Variants in GRIK4 observed in about 807,000 individuals in gnomAD.
GRIK4 encodes glutamate receptor ionotropic, kainate 4.
Under a neutral mutation model 104.9 loss-of-function variants are expected in GRIK4, and 40 were observed. That is an observed-to-expected ratio of 0.38 (90% CI 0.30 to 0.50). The LOEUF (loss-of-function observed/expected upper bound fraction) is 0.50. Among genes scored for constraint, GRIK4 ranks in the 20% least tolerant of loss-of-function variants. The pLI, the probability that GRIK4 is intolerant of heterozygous loss-of-function variation, is 0.93. For missense variants in GRIK4, 1,047 were observed against 1,308.1 expected, an observed-to-expected ratio of 0.80 and a Z score of 3.08; for synonymous variants, 485 against 524.9, an observed-to-expected ratio of 0.92 and a Z score of 1.04.
At chr11:120,587,987 T>C (rs2135107023) in intron 1 of GRIK4, among the ~76,000 whole-genome samples, 1 of 152,332 alleles carries the variant, frequency 6.6e-6, no homozygotes, top group Admixed American at 6.5e-5. Flanking sequence ...TGAAAACCGC[T>C]GTCAGTCACT....
chr11:120,875,448 A>C (rs1430793944), intron 11 of GRIK4, among the ~76,000 whole-genome samples: 1 of 152,110 alleles, frequency 6.6e-6, no homozygotes, highest in African/African-American at 2.4e-5. Flanking sequence ...CCCCAGCAAA[A>C]TACTAAGAAG....
chr11:120,725,990 A>G (rs1479176916), intron 3 of GRIK4, among the ~76,000 whole-genome samples: 1 of 152,252 alleles, frequency 6.6e-6, no homozygotes, highest in African/African-American at 2.4e-5. Context: ...AAGGCAAAAT[A>G]GGTAGCACTT....
chr11:120,571,079 G>C (rs1246488007), intron 1 of GRIK4, among the ~76,000 whole-genome samples: 2 of 152,164 alleles, frequency 1.3e-5, no homozygotes, highest in Non-Finnish European at 2.9e-5. Flanking sequence ...GGACACTTCT[G>C]TTCTTATGTC....
At chr11:120,872,934 T>G (rs1403736406) in intron 9 of GRIK4, 1 of 152,314 alleles carries the variant, frequency 6.6e-6, no homozygotes, top group African/African-American at 2.4e-5. Flanking sequence ...TTGTATCCAC[T>G]TATTGGGTAG....
intron 1 of GRIK4, among the ~76,000 whole-genome samples, chr11:120,636,649 G>C (rs571974384): frequency 1.3e-5 from 2 of 152,232 alleles, no homozygotes; most frequent in South Asian, 4.1e-4. Flanking sequence ...AGACCATCCT[G>C]GCCAACATGG....
intron 3 of GRIK4, among the ~76,000 whole-genome samples, chr11:120,716,719 G>A (rs1390987178): frequency 6.6e-6 from 1 of 152,154 alleles, no homozygotes; most frequent in Non-Finnish European, 1.5e-5. Flanking sequence ...CCCCTGACCT[G>A]ACATTCCCTC....
At chr11:120,614,724 G>A (rs1591740374) in intron 1 of GRIK4, among the ~76,000 whole-genome samples, 2 of 152,314 alleles carry the variant, frequency 1.3e-5, no homozygotes, top group East Asian at 3.9e-4. Flanking sequence ...AGTTGGCTGG[G>A]CGCGGTGGCT....
chr11:120,938,103 C>T (rs762204889), intron 13 of GRIK4, among the ~76,000 whole-genome samples: 8 of 152,108 alleles, frequency 5.3e-5, no homozygotes, highest in South Asian at 2.1e-4. Context: ...GTTTCCTCCC[C>T]TCAAGTTTCA....
At chr11:120,829,935 C>T (rs1953376833) in intron 6 of GRIK4, among the ~76,000 whole-genome samples, 1 of 152,142 alleles carries the variant, frequency 6.6e-6, no homozygotes, top group South Asian at 2.1e-4. Context: ...CTTTACAAGT[C>T]TCCATCGAAA....
chr11:120,752,367 G>T (rs1434089870), intron 3 of GRIK4, among the ~76,000 whole-genome samples: 2 of 152,100 alleles, frequency 1.3e-5, no homozygotes, highest in East Asian at 3.9e-4. Flanking sequence ...CGTCAGCAGA[G>T]CCCCCCCATG....
intron 1 of GRIK4, among the ~76,000 whole-genome samples, chr11:120,539,823 G>C (rs1948014699): frequency 6.6e-6 from 1 of 152,160 alleles, no homozygotes; most frequent in Non-Finnish European, 1.5e-5. Flanking sequence ...GGGCTAAATA[G>C]GCAGCCAGAT....
intron 3 of GRIK4, among the ~76,000 whole-genome samples, chr11:120,693,116 A>T (rs1308929753): frequency 2.6e-5 from 4 of 151,276 alleles, no homozygotes; most frequent in African/African-American, 7.3e-5. Context: ...TATTATTATT[A>T]TTTTTTGAGA....
At chr11:120,909,615 C>A (rs1226466760) in intron 13 of GRIK4, among the ~76,000 whole-genome samples, 1 of 152,114 alleles carries the variant, frequency 6.6e-6, no homozygotes, top group Non-Finnish European at 1.5e-5. Context: ...ACAGTTTCCC[C>A]TGGACAACAA....
intron 13 of GRIK4, among the ~76,000 whole-genome samples, chr11:120,935,849 G>T (rs1453177314): frequency 3.9e-5 from 6 of 152,070 alleles, no homozygotes; most frequent in Non-Finnish European, 8.8e-5. Context: ...CCAGGACAGG[G>T]TTATCTAAAG....
At chr11:120,705,240 T>TC (rs1345291443) in intron 3 of GRIK4, among the ~76,000 whole-genome samples, 32 of 151,806 alleles carry the variant, frequency 2.1e-4, no homozygotes, top group African/African-American at 7.0e-4. Context: ...TTCTTTTTTT[T>TC]TTTTTTTTGA....
intron 13 of GRIK4, among the ~76,000 whole-genome samples, chr11:120,930,831 G>A (rs1943467355): frequency 6.6e-6 from 1 of 152,140 alleles, no homozygotes. Flanking sequence ...TCTGGGAGAG[G>A]AGTGATGGAG....
intron 10 of GRIK4, 83 bp downstream of exon 10, chr11:120,874,301 C>T: frequency 8.9e-7 from 1 of 1,129,422 alleles, no homozygotes; most frequent in South Asian, 1.4e-5. Context: ...AGTCCCTCAA[C>T]TCCAGGCTTG....
intron 1 of GRIK4, among the ~76,000 whole-genome samples, chr11:120,532,624 C>A (rs3897568): frequency 6.6e-6 from 1 of 152,044 alleles, no homozygotes; most frequent in East Asian, 1.9e-4. Flanking sequence ...TCCCCTACCC[C>A]GCAAACCTTG....
chr11:120,610,101 C>T (rs1949015324), intron 1 of GRIK4, among the ~76,000 whole-genome samples: 1 of 152,124 alleles, frequency 6.6e-6, no homozygotes, highest in South Asian at 2.1e-4. Context: ...TTCTTGGTTT[C>T]GCTTTGTTTT....
Sources: gnomAD v4.1 joint callset for allele counts (sites outside exome capture counted in the v4.1 genomes callset) on GRCh38, gnomAD v4.1.1 for gene constraint, MANE v1.5 for transcripts, NCBI Gene and HGNC (gene_info 2026-07-23, HGNC 2026-07-21) for gene names.